The following NSL1 variants were observed in gnomAD, a reference collection of about 807,000 sequenced individuals.
NSL1 encodes the protein kinetochore-associated protein NSL1 homolog.
Under a neutral mutation model 25.4 loss-of-function variants are expected in NSL1, and 11 were observed. The ratio of observed to expected loss-of-function variants is 0.43; its 90% CI spans 0.27 to 0.72. The LOEUF is 0.72. NSL1 is among the 30% of genes least tolerant of loss of function. The pLI is 0.19. For synonymous variants in NSL1, 118 were observed against 120.6 expected (o/e 0.98, Z 0.14); for missense variants, 330 against 342.7 (o/e 0.96, Z 0.29).
Position 212,728,257 on chromosome 1 carries a change from G to A in NSL1, c.*10151C>T. The A allele has an allele frequency of 1.0e-6, 1 of 965,900 alleles. No individual in the cohort carries two copies. The highest frequency in any genetic ancestry group is 1.2e-6 in the Non-Finnish European group (1 of 812,166). The allele number at this position is 965,900 out of a possible 1,614,324, so 59.8% of individuals were successfully genotyped here. ...TGATATTACCTTCAGCAAATAAGTTGATAACATTATATATGTAAACATTTA... is the reference window on the plus strand; with the variant it reads ...TGATATTACCTTCAGCAAATAAGTTAATAACATTATATATGTAAACATTTA... On this transcript the variant is annotated 3_prime_UTR_variant, in exon 6 of 6. Coordinates refer to ENST00000366977, the MANE Select transcript of NSL1 (RefSeq NM_015471.4).
At chr1:212,758,195 T>C (rs1659398924) in intron 4 of NSL1, among the ~76,000 whole-genome samples, 1 of 152,018 alleles carries the variant, frequency 6.6e-6, no homozygotes, top group Non-Finnish European at 1.5e-5. Context: ...TACTAGAAAA[T>C]AAACATCTAG....
At chr1:212,787,659 CAA>C in intron 1 of NSL1, 22 bp from the exon 2 acceptor site, 5 of 1,512,242 alleles carry the variant, frequency 3.3e-6, no homozygotes, top group Non-Finnish European at 4.5e-6. Context: ...TCACAGTAGT[CAA>C]GTCACTAAAA....
Position 212,735,335 on chromosome 1 carries a change from G to C in NSL1, c.*3073C>G, listed in dbSNP as rs1376500091. On this transcript the variant is annotated 3_prime_UTR_variant, in exon 6 of 6. Coordinates refer to ENST00000366977, the MANE Select transcript of NSL1 (RefSeq NM_015471.4). ...GAGTAGGTGTCCAACTGTATGTGTT[G>C]AACAGATGAATAAATGAATGAAGGT... 1.0e-6 allele frequency: 1 copy of C among 985,298 alleles called. No individual in the cohort carries two copies. The highest frequency in any genetic ancestry group is 1.1e-4 in the East Asian group (1 of 8,832). The allele number at this position is 985,298 out of a possible 1,614,324, so 61.0% of individuals were successfully genotyped here.
At chr1:212,780,517 GAA>G (rs35100292) in intron 4 of NSL1, among the ~76,000 whole-genome samples, 4,613 of 133,088 alleles carry the variant, frequency 0.035, 117 homozygotes, top group Non-Finnish European at 0.05. Flanking sequence ...AAAAAAAAAG[GAA>G]AAAAAAAAAA....
intron 4 of NSL1, among the ~76,000 whole-genome samples, chr1:212,775,390 T>C: frequency 6.6e-6 from 1 of 152,234 alleles, no homozygotes; most frequent in African/African-American, 2.4e-5. Context: ...GTGGGTGAAC[T>C]GTATGGTATA....
At position 212,737,926 on chromosome 1, in the gene NSL1, A is replaced by C. The variant is rs993475705; in HGVS notation, c.*482T>G. The C allele has an allele frequency of 1.7e-5, 17 of 985,642 alleles. No individual in the cohort carries two copies. Among genetic ancestry groups the C allele is most frequent in the African/African-American group, 5.2e-5 (3 of 57,252 alleles). The allele number at this position is 985,642 out of a possible 1,614,324, so 61.1% of individuals were successfully genotyped here. The stretch of plus-strand genomic sequence containing the variant: ...CATCAGCACATTAATTTGATAAATC[A>C]AACTACATCTTTAAAAAAAAACCCT... On this transcript the variant is annotated 3_prime_UTR_variant, in exon 6 of 6. Transcript: ENST00000366977.
At chr1:212,769,624 A>G (rs1181954717) in intron 4 of NSL1, among the ~76,000 whole-genome samples, 1 of 152,218 alleles carries the variant, frequency 6.6e-6, no homozygotes, top group Non-Finnish European at 1.5e-5. Flanking sequence ...AGGAAGTTCT[A>G]CATCTGGAAG....
chr1:212,767,994 A>G (rs968785736), intron 4 of NSL1, among the ~76,000 whole-genome samples: 1 of 152,224 alleles, frequency 6.6e-6, no homozygotes, highest in East Asian at 1.9e-4. Flanking sequence ...TAGTACAACC[A>G]CTATTGAAAA....
intron 4 of NSL1, among the ~76,000 whole-genome samples, chr1:212,755,236 CA>C (rs1327125190): frequency 2.0e-5 from 3 of 151,140 alleles, no homozygotes; most frequent in Non-Finnish European, 1.5e-5. Context: ...TAAGACATTG[CA>C]AAAGAAAAAT....
At chr1:212,759,270 TC>T (rs1341632348) in intron 4 of NSL1, among the ~76,000 whole-genome samples, 2 of 152,120 alleles carry the variant, frequency 1.3e-5, no homozygotes, top group African/African-American at 4.8e-5. Flanking sequence ...GGAGGGGGCT[TC>T]AAGATGGCTG....
chr1:212,728,431 C>T lies in NSL1; in HGVS notation c.*9977G>A. On this transcript the variant is annotated 3_prime_UTR_variant, in exon 6 of 6. Coordinates refer to ENST00000366977, the MANE Select transcript of NSL1 (RefSeq NM_015471.4). ...GGACACTATTACAGTTGTGGCTTTA[C>T]TCAATCTCTTCCTTTTCTTTGGGTA... is the stretch of plus-strand genomic sequence containing the variant. 1.0e-6 allele frequency: 1 copy of T among 985,388 alleles called. No homozygotes were observed. The highest frequency in any genetic ancestry group is 1.2e-6 in the Non-Finnish European group (1 of 829,922). 61.0% of individuals were successfully genotyped at this position (985,388 alleles called of 1,614,324 possible). A position where few individuals can be genotyped will look rare whatever the true frequency, so the allele number is the denominator to read the frequency against.
Position 212,726,870 on chromosome 1 carries a change from C to G in NSL1, c.*11538G>C, listed in dbSNP as rs561812591. On this transcript the variant is annotated 3_prime_UTR_variant, in exon 6 of 6. Coordinates refer to ENST00000366977, the MANE Select transcript of NSL1 (RefSeq NM_015471.4). Reference sequence around the variant, plus strand: ...TTCTGTGCAACAACAGAGCCGAGCCCGGTCCCAGGGGCTGGATGGTGTCCC... The same window carrying G: ...TTCTGTGCAACAACAGAGCCGAGCCGGGTCCCAGGGGCTGGATGGTGTCCC... 8 of 369,094 alleles carry G rather than the reference C, an allele frequency of 2.2e-5. No individual in the cohort carries two copies. The South Asian group carries it at 8.0e-4, about 37-fold the overall frequency. 22.9% of individuals were successfully genotyped at this position (369,094 alleles called of 1,614,324 possible). A position where few individuals can be genotyped will look rare whatever the true frequency, so the allele number is the denominator to read the frequency against.
At position 212,727,127 on chromosome 1, in the gene NSL1, C is replaced by T. The variant is rs377616860; in HGVS notation, c.*11281G>A. ...AGAGGCAGAAGGGATGAAGGTTCCC[C>T]GATCCCCTTCTCTCCTAAACTGCCC... On this transcript the variant is annotated 3_prime_UTR_variant, in exon 6 of 6. Coordinates refer to ENST00000366977, the MANE Select transcript of NSL1 (RefSeq NM_015471.4). 1.7e-5 allele frequency: 26 copies of T among 1,570,034 alleles called. No homozygotes were observed. Among genetic ancestry groups the T allele is most frequent in the East Asian group, 2.4e-5 (1 of 42,496 alleles).
chr1:212,746,160 G>A (rs767596128), intron 4 of NSL1, among the ~76,000 whole-genome samples: 22 of 152,066 alleles, frequency 1.4e-4, no homozygotes, highest in Non-Finnish European at 3.1e-4. Flanking sequence ...AGTTTGTGAC[G>A]TCTCCTTTTT....
Position 212,787,655 on chromosome 1 carries a change from T to G in NSL1, c.235-18A>C, listed in dbSNP as rs780991021. On this transcript the variant is annotated intron_variant, in intron 1 of 5. Coordinates refer to ENST00000366977, the MANE Select transcript of NSL1 (RefSeq NM_015471.4). ...TCAAAAGTCTGCAATAAATTCACAG[T>G]AGTCAAGTCACTAAAAATAATTTTA... 12 of 1,527,568 alleles carry G rather than the reference T, an allele frequency of 7.9e-6. No individual in the cohort carries two copies. The East Asian group carries it at 2.8e-4, about 35-fold the overall frequency. 94.6% of individuals were successfully genotyped at this position (1,527,568 alleles called of 1,614,324 possible). A position where few individuals can be genotyped will look rare whatever the true frequency, so the allele number is the denominator to read the frequency against.
intron 4 of NSL1, among the ~76,000 whole-genome samples, chr1:212,767,644 T>C (rs1039742260): frequency 1.3e-5 from 2 of 151,094 alleles, no homozygotes; most frequent in African/African-American, 4.9e-5. Flanking sequence ...ACCCACAGAG[T>C]GGGAGAAAAT....
chr1:212,764,843 CAAAAAAAAAAAAAAA>C (rs3086471), intron 4 of NSL1, among the ~76,000 whole-genome samples: 30 of 38,878 alleles, frequency 7.7e-4, no homozygotes, highest in Admixed American at 1.1e-3. Flanking sequence ...AAGACTGTCT[CAAAAAAAAAAAAAAA>C]AAAAAAAAAA....
rs1227750566 is a variant in NSL1, at chr1:212,734,936, G to A, written c.*3472C>T. On this transcript the variant is annotated 3_prime_UTR_variant, in exon 6 of 6. Transcript: ENST00000366977. ...GTTTTCATTTCCTTTATCAAAAGAA[G>A]TAATAACAGTGATCATAGAGTACTC... Among the ~76,000 whole-genome samples the A allele has an allele frequency of 6.6e-6, 1 of 152,188 alleles. No individual in the cohort carries two copies. The highest frequency in any genetic ancestry group is 1.5e-5 in the Non-Finnish European group (1 of 68,030).
intron 2 of NSL1, among the ~76,000 whole-genome samples, chr1:212,786,653 C>T (rs935636754): frequency 2.0e-5 from 3 of 151,770 alleles, no homozygotes; most frequent in African/African-American, 4.8e-5. Flanking sequence ...GTTAAAAATA[C>T]AAAAATGAGC....
Sources: gnomAD v4.1 joint callset for allele counts (sites outside exome capture counted in the v4.1 genomes callset) on GRCh38, gnomAD v4.1.1 for gene constraint, MANE v1.5 for transcripts, NCBI Gene and HGNC (gene_info 2026-07-23, HGNC 2026-07-21) for gene names.